The following MAN2A1 variants were observed in gnomAD, a reference collection of about 807,000 sequenced individuals.
The protein encoded by MAN2A1 is mannosidase alpha class 2A member 1, also known as alpha-mannosidase 2.
Under a neutral mutation model 142.6 loss-of-function variants are expected in MAN2A1, and 76 were observed. The observed-to-expected ratio is 0.53, with a 90% CI of 0.44 to 0.65. MAN2A1 has a LOEUF of 0.65. MAN2A1 is among the 30% of genes least tolerant of loss of function. MAN2A1 has a pLI of 0.00. For synonymous variants in MAN2A1, 559 were observed against 473.2 expected (o/e 1.18, Z -2.35); for missense variants, 1,311 against 1,365.1 (o/e 0.96, Z 0.62).
chr5:109,829,899 T>C (rs889640417), intron 16 of MAN2A1, among the ~76,000 whole-genome samples: 2 of 152,226 alleles, frequency 1.3e-5, no homozygotes, highest in Non-Finnish European at 2.9e-5. Context: ...CCATCCCTTC[T>C]TAAAACAATT....
rs1036597507 is a variant in MAN2A1, at chr5:109,787,604, G to T, written c.1761-1330G>T. ...TCTTTAGTACTCATCTTATGAGAAG[G>T]CTGCATGTGTGCCTTTAGGATGCAG... On this transcript the variant is annotated intron_variant, in intron 10 of 21. Transcript: ENST00000261483. Among the ~76,000 whole-genome samples, 4 of 151,992 alleles carry T rather than the reference G, an allele frequency of 2.6e-5. No homozygotes were observed. The East Asian group carries it at 5.8e-4, about 22-fold the overall frequency.
intron 1 of MAN2A1, among the ~76,000 whole-genome samples, chr5:109,711,171 T>G (rs780474759): frequency 6.6e-6 from 1 of 152,132 alleles, no homozygotes; most frequent in Non-Finnish European, 1.5e-5. Context: ...CATTTTAGAT[T>G]AAGGTAATGT....
intron 4 of MAN2A1, among the ~76,000 whole-genome samples, chr5:109,737,852 G>T (rs573272875): frequency 6.6e-6 from 1 of 152,286 alleles, no homozygotes; most frequent in African/African-American, 2.4e-5. Context: ...AGGGTGTATT[G>T]GAAGGAGTAT....
chr5:109,739,808 C>T (rs3756597), intron 4 of MAN2A1, among the ~76,000 whole-genome samples: 26,690 of 152,112 alleles, frequency 0.18, 3,303 homozygotes, highest in East Asian at 0.64. Context: ...GTCTCTCACC[C>T]AAGGAAGTCA....
intron 3 of MAN2A1, among the ~76,000 whole-genome samples, chr5:109,728,797 C>T (rs1271254066): frequency 6.6e-6 from 1 of 151,914 alleles, no homozygotes; most frequent in African/African-American, 2.4e-5. Flanking sequence ...CAGAATTCTA[C>T]CTCTCAGTGT....
chr5:109,842,229 A>T (rs971375173), intron 16 of MAN2A1, 99 bp from the exon 17 acceptor site: 1 of 694,628 alleles, frequency 1.4e-6, no homozygotes, highest in Non-Finnish European at 2.2e-6. Flanking sequence ...GTAGAAAACA[A>T]GAAAATGTAA....
chr5:109,770,693 GC>G (rs1753123015), intron 7 of MAN2A1, 152 bp downstream of exon 7: 1 of 683,870 alleles, frequency 1.5e-6, no homozygotes, highest in Non-Finnish European at 2.4e-6. Flanking sequence ...ACTTAAAAAT[GC>G]CAGAGCCTTG....
Position 109,767,629 on chromosome 5 carries a change from T to C in MAN2A1, c.930T>C (p.Leu310=), listed in dbSNP as rs987898194. ...LLNRAGLSHM[L]IQRVHYAVKK... is the part of the protein sequence containing the mutation. ...ACCGTGCTGGACTTTCTCACATGCT[T>C]ATCCAGAGAGTTCATTATGCAGTTA... The change falls in exon 6 of 22, where the codon CTT becomes CTC. Residue 310 remains leucine, a synonymous_variant. Transcript: ENST00000261483. The C allele has an allele frequency of 7.4e-6, 12 of 1,613,686 alleles. No individual in the cohort carries two copies. Among genetic ancestry groups the C allele is most frequent in the Non-Finnish European group, 1.0e-5 (12 of 1,179,756 alleles).
intron 4 of MAN2A1, among the ~76,000 whole-genome samples, chr5:109,749,569 A>T (rs1271888725): frequency 6.6e-6 from 1 of 152,002 alleles, no homozygotes; most frequent in African/African-American, 2.4e-5. Context: ...ATAAACATAT[A>T]CCTTTGTTTC....
intron 4 of MAN2A1, among the ~76,000 whole-genome samples, chr5:109,735,372 A>C (rs1258568860): frequency 6.6e-6 from 1 of 152,136 alleles, no homozygotes; most frequent in Non-Finnish European, 1.5e-5. Context: ...GTCTATTTAC[A>C]TTTAAAGTTA....
intron 1 of MAN2A1, among the ~76,000 whole-genome samples, chr5:109,702,315 TTG>T (rs34048618): frequency 0.089 from 12,745 of 143,992 alleles, 576 homozygotes; most frequent in Middle Eastern, 0.2. Flanking sequence ...AGAACATAAA[TTG>T]TGTGTGTGTG....
intron 19 of MAN2A1, among the ~76,000 whole-genome samples, chr5:109,849,674 G>A (rs1266975356): frequency 1.3e-4 from 20 of 150,940 alleles, no homozygotes. Context: ...TCTGCCGTAT[G>A]TCTGTTCTTA....
chr5:109,743,632 A>T (rs1486653411), intron 4 of MAN2A1, among the ~76,000 whole-genome samples: 1 of 151,986 alleles, frequency 6.6e-6, no homozygotes, highest in Admixed American at 6.6e-5. Flanking sequence ...AAACTCTGTG[A>T]CTTCTGCCTC....
intron 12 of MAN2A1, among the ~76,000 whole-genome samples, chr5:109,810,364 T>C (rs1754284037): frequency 6.6e-6 from 1 of 152,208 alleles, no homozygotes; most frequent in Non-Finnish European, 1.5e-5. Context: ...TTGAGACTGA[T>C]TTATTCAACC....
chr5:109,705,989 A>T (rs1220161980), intron 1 of MAN2A1, among the ~76,000 whole-genome samples: 1 of 152,232 alleles, frequency 6.6e-6, no homozygotes, highest in Non-Finnish European at 1.5e-5. Flanking sequence ...AATTAATTAC[A>T]TCAGTGAAAT....
At chr5:109,697,828 A>G (rs1750857290) in intron 1 of MAN2A1, among the ~76,000 whole-genome samples, 1 of 152,214 alleles carries the variant, frequency 6.6e-6, no homozygotes, top group South Asian at 2.1e-4. Context: ...GACAAACAAA[A>G]TTCTCGTAAA....
intron 5 of MAN2A1, among the ~76,000 whole-genome samples, chr5:109,759,954 TATATATATATAGATAGATAGATAG>T (rs1752795161): frequency 3.4e-5 from 1 of 29,110 alleles, no homozygotes; most frequent in Non-Finnish European, 6.0e-5. Flanking sequence ...TTGCTATATA[TATATATATATAGATAGATAGATAG>T]ATAGATAGAT....
intron 10 of MAN2A1, 87 bp from the exon 11 acceptor site, chr5:109,788,847 G>T: frequency 1.5e-6 from 1 of 651,772 alleles, no homozygotes; most frequent in Non-Finnish European, 2.8e-6. Context: ...GAAGATACTG[G>T]TGGTTTGGCT....
intron 12 of MAN2A1, among the ~76,000 whole-genome samples, chr5:109,793,200 A>T (rs749544623): frequency 6.6e-6 from 1 of 151,998 alleles, no homozygotes; most frequent in Non-Finnish European, 1.5e-5. Context: ...AAGATGTCCA[A>T]AGTCTCATCC....
Sources: allele counts gnomAD v4.1 joint callset (sites outside exome capture counted in the v4.1 genomes callset), GRCh38; gene constraint gnomAD v4.1.1; transcripts MANE v1.5; gene names NCBI Gene and HGNC (gene_info 2026-07-23, HGNC 2026-07-21).